Variants in BBS12 observed in about 807,000 individuals in gnomAD.
The protein encoded by BBS12 is chaperonin-containing T-complex member BBS12.
Under a neutral mutation model 5.6 loss-of-function variants are expected in BBS12, and 5 were observed. The observed-to-expected ratio is 0.89, with a 90% CI of 0.46 to 1.86. The LOEUF (loss-of-function observed/expected upper bound fraction) is 1.86, where lower values mean the gene tolerates loss of function less well. Ranked by LOEUF, BBS12 falls within the 40% of genes most tolerant of loss-of-function variation. The pLI, the probability that BBS12 is intolerant of heterozygous loss-of-function variation, is 0.01. For synonymous variants in BBS12, 308 were observed against 306.8 expected (o/e 1.00, Z -0.04); for missense variants, 748 against 830.4 (o/e 0.90, Z 1.22).
At chr4:122,701,874 T>G in the BBS12 span, among the ~76,000 whole-genome samples, 1 of 152,196 alleles carries the variant, frequency 6.6e-6, no homozygotes, top group African/African-American at 2.4e-5. Flanking sequence ...TGCCAGAAGC[T>G]GGAGCTTATC....
At chr4:122,716,686 T>C in the BBS12 span, among the ~76,000 whole-genome samples, 1,418 of 65,830 alleles carry the variant, frequency 0.022, 113 homozygotes, top group African/African-American at 0.041. Context: ...TATATACACA[T>C]ATGTGTATGT....
At chr4:122,741,763 C>A in intron 1 of BBS12, 120 bp from the exon 2 acceptor site, 1 of 833,602 alleles carries the variant, frequency 1.2e-6, no homozygotes, top group Non-Finnish European at 1.9e-6. Context: ...GCACTGACCA[C>A]TTTTCATGGA....
chr4:122,714,620 A>G, the BBS12 span, among the ~76,000 whole-genome samples: 1 of 151,300 alleles, frequency 6.6e-6, no homozygotes, highest in Admixed American at 6.6e-5. Flanking sequence ...TCTCTACCAA[A>G]TAAATATAAA....
At chr4:122,716,689 GTGTATGTGTGTGTATA>G in the BBS12 span, among the ~76,000 whole-genome samples, 33 of 61,020 alleles carry the variant, frequency 5.4e-4, no homozygotes, top group African/African-American at 2.7e-3. Flanking sequence ...ATACACATAT[GTGTATGTGTGTGTATA>G]CATACACATA....
At chr4:122,729,529 G>A (rs1800671589), upstream of BBS12, 1 of 152,204 alleles carries the variant, frequency 6.6e-6, no homozygotes, top group Non-Finnish European at 1.5e-5. Flanking sequence ...TGGAATCCAT[G>A]TTTTATTTCT....
Position 122,744,091 on chromosome 4 carries a change from A to C in BBS12, c.*66A>C. The stretch of plus-strand genomic sequence containing the variant: ...TGTCATGCTAATAATAAATATATTG[A>C]TAGCCAAGTCATGGTGCCTAAAATG... On this transcript the variant is annotated 3_prime_UTR_variant, in exon 2 of 2. Coordinates refer to ENST00000314218, the MANE Select transcript of BBS12 (RefSeq NM_152618.3). 3.3e-6 allele frequency: 5 copies of C among 1,503,544 alleles called. No individual in the cohort carries two copies. The highest frequency in any genetic ancestry group is 4.6e-6 in the Non-Finnish European group (5 of 1,083,292). 93.1% of individuals were successfully genotyped at this position (1,503,544 alleles called of 1,614,324 possible). A position where few individuals can be genotyped will look rare whatever the true frequency, so the allele number is the denominator to read the frequency against.
Position 122,742,664 on chromosome 4 carries a change from G to A in BBS12, c.772G>A (p.Ala258Thr). ...KPDGFQEHVTATHKTYRCNDL... is the reference protein window; with the variant it reads ...KPDGFQEHVTTTHKTYRCNDL... Reference sequence around the variant, plus strand: ...AGATGGATTTCAAGAACATGTTACAGCTACTCACAAAACTTACAGATGTAA... The same window carrying A: ...AGATGGATTTCAAGAACATGTTACAACTACTCACAAAACTTACAGATGTAA... Residue 258 changes from alanine to threonine, a missense_variant, in exon 2 of 2, where the codon GCT becomes ACT. Coordinates refer to ENST00000314218, the MANE Select transcript of BBS12 (RefSeq NM_152618.3). 1 of 1,614,226 alleles carries A rather than the reference G, an allele frequency of 6.2e-7. No individual in the cohort carries two copies. The highest frequency in any genetic ancestry group is 8.5e-7 in the Non-Finnish European group (1 of 1,180,036).
the BBS12 span, among the ~76,000 whole-genome samples, chr4:122,723,382 A>G: frequency 6.6e-6 from 1 of 152,208 alleles, no homozygotes. Flanking sequence ...TTTGTGGAAA[A>G]GTGTTTATTT....
At chr4:122,731,287 T>A (rs1248953470), upstream of BBS12, 1 of 152,246 alleles carries the variant, frequency 6.6e-6, no homozygotes, top group Non-Finnish European at 1.5e-5. Context: ...GCATTCAATA[T>A]ATGTTGCTGA....
At chr4:122,706,773 G>GT in the BBS12 span, among the ~76,000 whole-genome samples, 1 of 152,150 alleles carries the variant, frequency 6.6e-6, no homozygotes, top group Non-Finnish European at 1.5e-5. Flanking sequence ...TAATGGTCAT[G>GT]TTTTGTTAGA....
At chr4:122,707,960 CCTTCCTTCCTTCCTTT>C in the BBS12 span, among the ~76,000 whole-genome samples, 13 of 148,678 alleles carry the variant, frequency 8.7e-5, no homozygotes, top group African/African-American at 3.0e-4. Context: ...TTCCTTCCTT[CCTTCCTTCCTTCCTTT>C]CTTTCTTTCT....
intron 1 of BBS12, among the ~76,000 whole-genome samples, chr4:122,735,950 A>T (rs1800778472): frequency 1.3e-5 from 2 of 152,230 alleles, no homozygotes; most frequent in African/African-American, 2.4e-5. Context: ...GGTAGGCCTC[A>T]TTGAAAAGCA....
chr4:122,733,418 C>CACAT (rs1800734748), intron 1 of BBS12, among the ~76,000 whole-genome samples: 1 of 146,574 alleles, frequency 6.8e-6, no homozygotes, highest in Admixed American at 7.0e-5. Context: ...CACACACACA[C>CACAT]ACACACATCC....
At chr4:122,705,096 C>T in the BBS12 span, among the ~76,000 whole-genome samples, 4 of 152,262 alleles carry the variant, frequency 2.6e-5, no homozygotes, top group East Asian at 3.9e-4. Context: ...AGAACTTCTG[C>T]GAACATTCTG....
chr4:122,716,983 A>C, the BBS12 span, among the ~76,000 whole-genome samples: 1 of 152,222 alleles, frequency 6.6e-6, no homozygotes, highest in African/African-American at 2.4e-5. Flanking sequence ...AGCATAAATC[A>C]AACCACACCC....
In BBS12 at chr4:122,742,550, C is replaced by T. The variant is rs746512004; in HGVS notation, c.658C>T (p.Leu220=). 6.2e-7 allele frequency: 1 copy of T among 1,614,196 alleles called. No individual in the cohort carries two copies. The change falls in exon 2 of 2, where the codon CTG becomes TTG. Residue 220 remains leucine (L), a synonymous_variant. Coordinates refer to ENST00000314218, the MANE Select transcript of BBS12 (RefSeq NM_152618.3). ...NNTSRTLKNS[L]LADTCCRQSI... ...CACATCACGAACTCTGAAAAACAGC[C>T]TGCTTGCAGATACCTGCTGCAGACA...
At chr4:122,736,652 C>T (rs757464879) in intron 1 of BBS12, among the ~76,000 whole-genome samples, 1 of 152,140 alleles carries the variant, frequency 6.6e-6, no homozygotes, top group Non-Finnish European at 1.5e-5. Flanking sequence ...TGGTGCATAA[C>T]AGGACATGCA....
chr4:122,720,902 C>T, the BBS12 span, among the ~76,000 whole-genome samples: 2 of 147,468 alleles, frequency 1.4e-5, no homozygotes, highest in Admixed American at 1.3e-4. Flanking sequence ...AAAAAAAAGC[C>T]ACATGTTATT....
chr4:122,730,176 A>C (rs905108005), upstream of BBS12: 2 of 152,228 alleles, frequency 1.3e-5, no homozygotes, highest in Non-Finnish European at 1.5e-5. Context: ...GCAAATGTTC[A>C]TCAGGTTTTT....
Sources: allele counts gnomAD v4.1 joint callset (sites outside exome capture counted in the v4.1 genomes callset), GRCh38; gene constraint gnomAD v4.1.1; transcripts MANE v1.5; gene names NCBI Gene and HGNC (gene_info 2026-07-23, HGNC 2026-07-21).